Variants in EXOC6B observed in about 807,000 individuals in gnomAD.
The protein encoded by EXOC6B is exocyst complex component 6B, also known as SEC15 homolog B.
EXOC6B carries 54 observed loss-of-function variants against 113.5 expected under a neutral mutation model. The ratio of observed to expected loss-of-function variants is 0.48; its 90% confidence interval spans 0.38 to 0.60. The LOEUF is 0.60. EXOC6B is among the 20% of genes least tolerant of loss of function. The probability of loss-of-function intolerance (pLI) is 0.00; values close to 1 mark genes in which losing one functional copy is unlikely to be tolerated. For synonymous variants in EXOC6B, 357 were observed against 339.0 expected, an observed-to-expected ratio of 1.05 and a Z score of -0.58; for missense variants, 797 against 977.5, an observed-to-expected ratio of 0.82 and a Z score of 2.46.
chr2:72,420,313 G>A (rs1373187626), intron 18 of EXOC6B, among the ~76,000 whole-genome samples: 8 of 151,930 alleles, frequency 5.3e-5, no homozygotes, highest in African/African-American at 1.7e-4. Context: ...AGGTATACAC[G>A]TGCCATAGTG....
intron 11 of EXOC6B, among the ~76,000 whole-genome samples, chr2:72,506,210 A>T (rs1700585701): frequency 6.6e-6 from 1 of 152,172 alleles, no homozygotes; most frequent in African/African-American, 2.4e-5. Context: ...CGCAAAAAAA[A>T]TTAAGATGAA....
intron 11 of EXOC6B, among the ~76,000 whole-genome samples, chr2:72,503,096 G>C (rs185387877): frequency 3.3e-5 from 5 of 151,946 alleles, no homozygotes. Flanking sequence ...ATATCTTAAG[G>C]AATCTCTCAC....
At chr2:72,517,983 G>C (rs1318173601) in intron 8 of EXOC6B, among the ~76,000 whole-genome samples, 1 of 152,092 alleles carries the variant, frequency 6.6e-6, no homozygotes, top group African/African-American at 2.4e-5. Context: ...AAATGAGCTG[G>C]AGTTTCCTTA....
rs186599409 is a variant in EXOC6B at position 72,348,909 on chromosome 2, T to A, written c.2123-13889A>T. Among the ~76,000 whole-genome samples the A allele has an allele frequency of 5.0e-3, 760 of 152,242 alleles. 9 individuals are homozygous for A. The highest frequency in any genetic ancestry group is 0.017 in the African/African-American group (698 of 41,552). ...TCAGGTTAAAAGAGCTACATTTTTTTAAAAAGTCAGCATGACCCATTCCAA... is the reference window on the plus strand; with the variant it reads ...TCAGGTTAAAAGAGCTACATTTTTTAAAAAAGTCAGCATGACCCATTCCAA... On this transcript the variant is annotated intron_variant, in intron 19 of 21. Transcript: ENST00000272427.
intron 18 of EXOC6B, among the ~76,000 whole-genome samples, chr2:72,448,359 G>A (rs953802403): frequency 1.7e-4 from 26 of 151,946 alleles, no homozygotes; most frequent in African/African-American, 5.6e-4. Flanking sequence ...CTAAGTAAAT[G>A]GTATTCAAGT....
chr2:72,732,334 G>C (rs539405917), intron 3 of EXOC6B, among the ~76,000 whole-genome samples: 162 of 151,550 alleles, frequency 1.1e-3, no homozygotes, highest in Non-Finnish European at 1.7e-3. Flanking sequence ...TTTTTGTTTT[G>C]GGGGGCAGGT....
At chr2:72,649,808 A>G (rs1220305721) in intron 6 of EXOC6B, among the ~76,000 whole-genome samples, 15 of 152,324 alleles carry the variant, frequency 9.8e-5, no homozygotes, top group African/African-American at 3.4e-4. Flanking sequence ...AAGCCTTTCA[A>G]TGGAGGAAGA....
intron 20 of EXOC6B, among the ~76,000 whole-genome samples, chr2:72,306,808 T>TAAA (rs1686888466): frequency 6.6e-6 from 1 of 152,218 alleles, no homozygotes; most frequent in African/African-American, 2.4e-5. Context: ...CATATGCTCT[T>TAAA]AATCTCCAAA....
chr2:72,731,906 CATG>C (rs879748821), intron 3 of EXOC6B, among the ~76,000 whole-genome samples: 1 of 152,208 alleles, frequency 6.6e-6, no homozygotes, highest in Non-Finnish European at 1.5e-5. Flanking sequence ...AAGAAAGAAG[CATG>C]ATAACAGAGA....
intron 8 of EXOC6B, among the ~76,000 whole-genome samples, chr2:72,548,338 A>G (rs182100401): frequency 4.5e-4 from 68 of 152,300 alleles, no homozygotes; most frequent in African/African-American, 1.5e-3. Context: ...GATTTTTCAA[A>G]TAATCCTTTG....
chr2:72,224,408 A>G (rs1681067611), intron 20 of EXOC6B, among the ~76,000 whole-genome samples: 1 of 152,162 alleles, frequency 6.6e-6, no homozygotes, highest in African/African-American at 2.4e-5. Context: ...TACTAGACTA[A>G]AAATGCTATA....
At chr2:72,790,290 T>C (rs1684604048) in intron 1 of EXOC6B, among the ~76,000 whole-genome samples, 1 of 152,148 alleles carries the variant, frequency 6.6e-6, no homozygotes, top group African/African-American at 2.4e-5. Context: ...AAAATTAAAA[T>C]AGTAATATAG....
At chr2:72,792,378 T>C (rs1448742244) in intron 1 of EXOC6B, among the ~76,000 whole-genome samples, 1 of 152,204 alleles carries the variant, frequency 6.6e-6, no homozygotes, top group African/African-American at 2.4e-5. Flanking sequence ...GGGGTTATTT[T>C]GAAGATTAAA....
intron 6 of EXOC6B, among the ~76,000 whole-genome samples, chr2:72,623,197 G>A (rs1427996325): frequency 3.3e-5 from 5 of 152,004 alleles, no homozygotes; most frequent in African/African-American, 1.2e-4. Context: ...ATTATCCTGA[G>A]TATTCTCCTC....
At position 72,769,822 on chromosome 2, in the gene EXOC6B, TAA is replaced by T. The variant is rs201455632; in HGVS notation, c.114-28355_114-28354del. Among the ~76,000 whole-genome samples, 463 of 151,302 alleles carry T rather than the reference TAA, an allele frequency of 3.1e-3. 8 individuals carry two copies. The East Asian group carries it at 0.065, about 21-fold the overall frequency. ...GCAAGACTCCATCTCAAAAATAAAA[TAA>T]AATAAAATAGAAAGAAGAAGAGTCA... On this transcript the variant is annotated intron_variant, in intron 1 of 21. Coordinates refer to ENST00000272427, the MANE Select transcript of EXOC6B (RefSeq NM_015189.3).
chr2:72,483,512 C>A (rs1699229418), intron 16 of EXOC6B, among the ~76,000 whole-genome samples: 1 of 152,082 alleles, frequency 6.6e-6, no homozygotes, highest in South Asian at 2.1e-4. Context: ...AGTAATTTCC[C>A]ATGACTTTTT....
intron 6 of EXOC6B, among the ~76,000 whole-genome samples, chr2:72,713,838 A>G (rs1679425873): frequency 1.3e-5 from 2 of 152,222 alleles, no homozygotes; most frequent in South Asian, 4.1e-4. Context: ...GCTATATGAT[A>G]GCAGGTTATA....
intron 20 of EXOC6B, among the ~76,000 whole-genome samples, chr2:72,294,953 C>T (rs188996653): frequency 9.2e-5 from 14 of 152,152 alleles, no homozygotes; most frequent in African/African-American, 3.4e-4. Context: ...ATTACTCTGG[C>T]TGGGTGGGGT....
chr2:72,349,237 G>A (rs1410157485), intron 19 of EXOC6B, among the ~76,000 whole-genome samples: 1 of 152,134 alleles, frequency 6.6e-6, no homozygotes, highest in Admixed American at 6.6e-5. Flanking sequence ...AATATATCTG[G>A]TCTTTGTCCC....
Sources: allele counts gnomAD v4.1 joint callset (sites outside exome capture counted in the v4.1 genomes callset), GRCh38; gene constraint gnomAD v4.1.1; transcripts MANE v1.5; gene names NCBI Gene and HGNC (gene_info 2026-07-23, HGNC 2026-07-21).